Variants in NLGN1 observed in about 807,000 individuals in gnomAD.
NLGN1 encodes neuroligin 1.
In NLGN1, 12 loss-of-function variants were observed where a neutral mutation model predicts 65.5. That is an observed-to-expected ratio of 0.18 (90% CI 0.12 to 0.30). The LOEUF is 0.30. NLGN1 is among the 10% of genes least tolerant of loss of function. The probability of loss-of-function intolerance (pLI) is 1.00; values close to 1 mark genes in which losing one functional copy is unlikely to be tolerated. For synonymous variants in NLGN1, 350 were observed against 359.5 expected (o/e 0.97, Z 0.30); for missense variants, 750 against 1,007.1 (o/e 0.74, Z 3.46).
At chr3:173,664,612 A>G (rs1437866293) in intron 3 of NLGN1, among the ~76,000 whole-genome samples, 1 of 152,052 alleles carries the variant, frequency 6.6e-6, no homozygotes, top group East Asian at 1.9e-4. Context: ...TTCATTGAAC[A>G]CCCTCTGTGG....
chr3:173,742,088 C>T (rs1774739486), intron 3 of NLGN1, among the ~76,000 whole-genome samples: 1 of 152,080 alleles, frequency 6.6e-6, no homozygotes, highest in Admixed American at 6.6e-5. Flanking sequence ...AGATTTGTTT[C>T]TTCCTTCCCT....
chr3:173,481,294 A>G (rs1015778382), intron 2 of NLGN1, among the ~76,000 whole-genome samples: 1 of 152,034 alleles, frequency 6.6e-6, no homozygotes, highest in Admixed American at 6.6e-5. Flanking sequence ...TTTAAAATAA[A>G]AATTATTTTC....
At chr3:174,050,466 G>A (rs540371205) in intron 4 of NLGN1, among the ~76,000 whole-genome samples, 14 of 151,086 alleles carry the variant, frequency 9.3e-5, no homozygotes, top group Admixed American at 2.0e-4. Context: ...TAGATTAAAA[G>A]TCTATGGTAA....
chr3:173,950,584 GGGT>G lies in NLGN1; in HGVS notation c.646+142755_646+142757del, dbSNP rs1748001447. On this transcript the variant is annotated intron_variant, in intron 4 of 6. Coordinates refer to ENST00000457714, the Ensembl canonical transcript of NLGN1. ...TCCGAGCACTTTGGGAGGCCTAGGT[GGGT>G]GGATCACCTGAGGTCAGGAGTTCAA... is the stretch of plus-strand genomic sequence containing the variant. Among the ~76,000 whole-genome samples, 4 of 152,074 alleles carry G rather than the reference GGGT, an allele frequency of 2.6e-5. No individual in the cohort carries two copies. The South Asian group carries it at 8.3e-4, about 31-fold the overall frequency.
Position 174,175,870 on chromosome 3 carries a change from C to CA in NLGN1, c.647-99445_647-99444insA, listed in dbSNP as rs1429911259. On this transcript the variant is annotated intron_variant, in intron 4 of 6. Transcript: ENST00000457714. ...ATATCACAGTACCTTCCTAATAACT[C>CA]TTCCAGGCTCATTACTGGCATGATT... 3.3e-5 allele frequency among the ~76,000 whole-genome samples: 5 copies of CA among 152,048 alleles called. No individual in the cohort carries two copies. The East Asian group carries it at 9.6e-4, about 29-fold the overall frequency.
chr3:173,539,682 A>ATATG lies in NLGN1; in HGVS notation c.-320-64597_-320-64596insTATG, dbSNP rs796269835. 7.4e-3 allele frequency among the ~76,000 whole-genome samples: 689 copies of ATATG among 92,988 alleles called. 28 individuals carry two copies. The South Asian group carries it at 0.084, about 11-fold the overall frequency. 61.0% of individuals were successfully genotyped at this position (92,988 alleles called of 152,430 possible). A position where few individuals can be genotyped will look rare whatever the true frequency, so the allele number is the denominator to read the frequency against. ...GTGTATATATGCACATATATAACAT[A>ATATG]CATATATGTACATATGCACATATAT... On this transcript the variant is annotated intron_variant, in intron 2 of 6. Coordinates refer to ENST00000457714, the Ensembl canonical transcript of NLGN1.
chr3:173,514,205 T>G (rs1485080910), intron 2 of NLGN1, among the ~76,000 whole-genome samples: 3 of 152,224 alleles, frequency 2.0e-5, no homozygotes, highest in Non-Finnish European at 4.4e-5. Context: ...AATAATTACC[T>G]GAAATTTATC....
chr3:174,008,836 C>A (rs776217159), intron 4 of NLGN1, among the ~76,000 whole-genome samples: 13 of 147,370 alleles, frequency 8.8e-5, no homozygotes, highest in African/African-American at 3.0e-4. Context: ...AAAAAAAAAT[C>A]TCTTCTCAAA....
chr3:174,144,309 C>A (rs1409134271), intron 4 of NLGN1, among the ~76,000 whole-genome samples: 1 of 152,144 alleles, frequency 6.6e-6, no homozygotes, highest in Non-Finnish European at 1.5e-5. Flanking sequence ...TTTATCCAGT[C>A]TATCATTGAT....
At chr3:174,120,032 T>A (rs1717417763) in intron 4 of NLGN1, among the ~76,000 whole-genome samples, 1 of 152,140 alleles carries the variant, frequency 6.6e-6, no homozygotes, top group African/African-American at 2.4e-5. Flanking sequence ...CCTCACAAAA[T>A]GTCCATTGAC....
chr3:174,215,504 T>C (rs1017499136), intron 4 of NLGN1, among the ~76,000 whole-genome samples: 13 of 152,312 alleles, frequency 8.5e-5, no homozygotes, highest in African/African-American at 3.1e-4. Context: ...TATTTGCATA[T>C]TAGTAGCATA....
At chr3:173,676,703 A>G (rs1048604351) in intron 3 of NLGN1, among the ~76,000 whole-genome samples, 4 of 152,082 alleles carry the variant, frequency 2.6e-5, no homozygotes, top group African/African-American at 9.7e-5. Context: ...ATATTAAGTA[A>G]ATATCTATCT....
intron 4 of NLGN1, among the ~76,000 whole-genome samples, chr3:173,980,033 C>A (rs1051326515): frequency 6.6e-6 from 1 of 151,922 alleles, no homozygotes; most frequent in East Asian, 1.9e-4. Context: ...GTATTAAGAA[C>A]CTGAAGGTTT....
At chr3:173,515,590 T>TA (rs1480140332) in intron 2 of NLGN1, among the ~76,000 whole-genome samples, 3 of 152,078 alleles carry the variant, frequency 2.0e-5, no homozygotes, top group Non-Finnish European at 4.4e-5. Context: ...TTTTACCCAG[T>TA]GTTTCTTCTA....
chr3:173,894,785 G>C (rs1736037862), intron 4 of NLGN1, among the ~76,000 whole-genome samples: 2 of 151,662 alleles, frequency 1.3e-5, no homozygotes, highest in Admixed American at 1.3e-4. Context: ...TTATAGGTGT[G>C]GGCCACCACG....
rs1159486565 is a variant in NLGN1, at chr3:174,144,347, G to A, written c.647-130968G>A. ...GCATTTGGGTTGGTTTCAAGTCTTT[G>A]CTATTGTGAATCATGCTGCAATAAA... On this transcript the variant is annotated intron_variant, in intron 4 of 6. Transcript: ENST00000457714. Among the ~76,000 whole-genome samples the A allele has an allele frequency of 4.6e-5, 7 of 152,118 alleles. No individual in the cohort carries two copies. In the South Asian group the frequency reaches 1.2e-3, roughly 27 times the overall value.
At chr3:173,759,543 A>G (rs1777642934) in intron 3 of NLGN1, among the ~76,000 whole-genome samples, 1 of 151,968 alleles carries the variant, frequency 6.6e-6, no homozygotes, top group African/African-American at 2.4e-5. Context: ...TTCTTTGAGC[A>G]ATGTATGAGA....
chr3:173,834,883 A>G (rs1161536230), intron 4 of NLGN1, among the ~76,000 whole-genome samples: 1 of 152,204 alleles, frequency 6.6e-6, no homozygotes. Flanking sequence ...GGGATATAAC[A>G]GAGGAGAAAT....
rs200482394 is a variant in NLGN1, at chr3:174,065,446, CAT to C, written c.647-209867_647-209866del. Among the ~76,000 whole-genome samples, 1,034 of 152,152 alleles carry C rather than the reference CAT, an allele frequency of 6.8e-3. 9 individuals carry two copies. Among genetic ancestry groups the C allele is most frequent in the African/African-American group, 0.024 (1,004 of 41,512 alleles). ...ATATTAAGTAAATATTCTCAAAACA[CAT>C]AACCAAACCTTGACTTCTGAAAGAG... On this transcript the variant is annotated intron_variant, in intron 4 of 6. Coordinates refer to ENST00000457714, the Ensembl canonical transcript of NLGN1.
Sources: allele counts gnomAD v4.1 joint callset (sites outside exome capture counted in the v4.1 genomes callset), GRCh38; gene constraint gnomAD v4.1.1; transcripts MANE v1.5; gene names NCBI Gene and HGNC (gene_info 2026-07-23, HGNC 2026-07-21).